Variants in KY observed in about 807,000 individuals in gnomAD.
KY encodes kyphoscoliosis peptidase.
A neutral mutation model predicts 76.1 loss-of-function variants in KY; 43 were observed. That is an observed-to-expected ratio of 0.57 (90% CI 0.44 to 0.73). The LOEUF is 0.73. KY is among the 30% of genes least tolerant of loss of function. The probability of loss-of-function intolerance (pLI) is 0.00; values close to 1 mark genes in which losing one functional copy is unlikely to be tolerated. For synonymous variants in KY, 277 were observed against 326.2 expected (o/e 0.85, Z 1.63); for missense variants, 722 against 828.9 (o/e 0.87, Z 1.58).
rs781436826 is a variant in KY, at chr3:134,604,258, T to C, written c.1307A>G (p.Asn436Ser). The part of the protein sequence containing the change: ...SSVLEYTLKC[N>S]YVDMGVQLPA... ...CAGCTGGACACCCATGTCCACATAA[T>C]TGCACTTGAGCGTGTACTCCAGCAC... The change falls in exon 11 of 11, where the codon AAT becomes AGT. Residue 436 changes from asparagine (N) to serine (S), a missense_variant. Physicochemically the swap from Asn to Ser is conservative, Grantham distance 46 (BLOSUM62 1). Transcript: ENST00000423778. 8.1e-6 allele frequency: 13 copies of C among 1,613,806 alleles called. No homozygotes were observed. Among genetic ancestry groups the C allele is most frequent in the Non-Finnish European group, 8.5e-6 (10 of 1,179,890 alleles).
chr3:134,609,439 G>T (rs1391579818), intron 9 of KY, among the ~76,000 whole-genome samples: 2 of 152,172 alleles, frequency 1.3e-5, no homozygotes, highest in Non-Finnish European at 2.9e-5. Context: ...CGAGCCCTGC[G>T]TGTAGGATGT....
At chr3:134,620,884 T>A (rs1962486595) in intron 6 of KY, 27 bp from the exon 7 acceptor site, 1 of 1,454,618 alleles carries the variant, frequency 6.9e-7, no homozygotes, top group African/African-American at 1.4e-5. Context: ...GTGTGCTGTA[T>A]TAGGGCCTCG....
At chr3:134,650,244 A>G (rs1966849817) in intron 1 of KY, among the ~76,000 whole-genome samples, 1 of 152,264 alleles carries the variant, frequency 6.6e-6, no homozygotes, top group Non-Finnish European at 1.5e-5. Flanking sequence ...AAGTGGAGAC[A>G]GCAGGTTTCA....
At chr3:134,622,557 G>A (rs1962817312) in intron 6 of KY, among the ~76,000 whole-genome samples, 1 of 152,140 alleles carries the variant, frequency 6.6e-6, no homozygotes, top group African/African-American at 2.4e-5. Flanking sequence ...GGCTGGGGGA[G>A]GAGAAATGGG....
At chr3:134,635,595 T>C (rs1469029766) in intron 3 of KY, among the ~76,000 whole-genome samples, 3 of 145,784 alleles carry the variant, frequency 2.1e-5, no homozygotes, top group African/African-American at 7.6e-5. Flanking sequence ...AAGAGGGAAA[T>C]AGAACTGCTG....
chr3:134,612,248 A>G (rs138930034), intron 8 of KY, among the ~76,000 whole-genome samples: 59 of 152,296 alleles, frequency 3.9e-4, no homozygotes, highest in African/African-American at 1.3e-3. Context: ...TTCTGGGAGC[A>G]CTTGAGGGCA....
chr3:134,641,639 A>T lies in KY; in HGVS notation c.262+1677T>A, dbSNP rs529801376. ...CTGGGCTCCAGAAGTGTAAGAGAAT[A>T]AATCTGCAGTATTTTAAGCCACCTC... On this transcript the variant is annotated intron_variant, in intron 3 of 10. Transcript: ENST00000423778. 2.6e-4 allele frequency among the ~76,000 whole-genome samples: 40 copies of T among 152,204 alleles called. 2 individuals are homozygous for T. Among genetic ancestry groups the T allele is most frequent in the South Asian group, 8.3e-4 (4 of 4,828 alleles).
intron 3 of KY, among the ~76,000 whole-genome samples, chr3:134,638,642 C>A (rs931961433): frequency 6.6e-6 from 1 of 152,238 alleles, no homozygotes; most frequent in African/African-American, 2.4e-5. Context: ...GCCAGCTCTC[C>A]TTGCTTTTCC....
At chr3:134,628,897 G>A (rs1963833887) in intron 4 of KY, among the ~76,000 whole-genome samples, 2 of 152,210 alleles carry the variant, frequency 1.3e-5, no homozygotes, top group African/African-American at 4.8e-5. Flanking sequence ...CCTGACTGCT[G>A]ATGACTACAG....
In KY at chr3:134,647,462, G is replaced by T. The variant is rs537460224; in HGVS notation, c.172C>A (p.Gln58Lys). 5 of 1,612,052 alleles carry T rather than the reference G, an allele frequency of 3.1e-6. No individual in the cohort carries two copies. The African/African-American group carries it at 6.7e-5, about 21-fold the overall frequency. Residue 58 changes from glutamine to lysine, a missense_variant, in exon 2 of 11, where the codon CAG (glutamine) becomes AAG (lysine). This residue lies in a region of KY where 170 missense variants were observed against 148.1 expected (regional missense o/e 1.15). Coordinates refer to ENST00000423778, the MANE Select transcript of KY (RefSeq NM_178554.6). ...TGAAAGTCATTTCCTTCTAATTTCT[G>T]CCATCTTCGGACTCCATTTCCAACA... ...QGVGNGVRRW[Q>K]KLEGNDFHEN...
At chr3:134,648,938 T>C (rs2108051257) in intron 1 of KY, among the ~76,000 whole-genome samples, 1 of 152,292 alleles carries the variant, frequency 6.6e-6, no homozygotes, top group Non-Finnish European at 1.5e-5. Flanking sequence ...GAGTTTGTTT[T>C]ATATCTTGCA....
At chr3:134,613,548 C>T (rs1577630976) in intron 8 of KY, among the ~76,000 whole-genome samples, 1 of 152,168 alleles carries the variant, frequency 6.6e-6, no homozygotes, top group East Asian at 1.9e-4. Flanking sequence ...CCAGGCTTAT[C>T]ATGGGCAGAG....
chr3:134,606,843 C>G (rs976313138), intron 10 of KY, among the ~76,000 whole-genome samples: 1 of 151,744 alleles, frequency 6.6e-6, no homozygotes, highest in Non-Finnish European at 1.5e-5. Context: ...CTCCCCTCCA[C>G]GGCACTCTCC....
intron 2 of KY, among the ~76,000 whole-genome samples, chr3:134,645,461 G>A (rs558955953): frequency 4.6e-5 from 7 of 152,296 alleles, no homozygotes; most frequent in African/African-American, 4.8e-5. Flanking sequence ...AGGGCTGGGC[G>A]GCCTGCTGGT....
chr3:134,609,699 C>T (rs549548952), intron 9 of KY, among the ~76,000 whole-genome samples: 3 of 152,276 alleles, frequency 2.0e-5, no homozygotes, highest in Admixed American at 6.5e-5. Context: ...GACCCTGCAC[C>T]GCCAATAGCA....
intron 3 of KY, among the ~76,000 whole-genome samples, chr3:134,642,521 A>G (rs1183130220): frequency 8.8e-6 from 1 of 113,460 alleles, no homozygotes; most frequent in South Asian, 4.5e-4. Context: ...TCGTGTGCTC[A>G]GATCCAGTCA....
Position 134,601,986 on chromosome 3 carries a change from T to TCC in KY, c.*1592_*1593insGG, listed in dbSNP as rs1958989679. Among the ~76,000 whole-genome samples the TCC allele has an allele frequency of 3.1e-4, 4 of 12,750 alleles. No homozygotes were observed. Among genetic ancestry groups the TCC allele is most frequent in the African/African-American group, 1.0e-3 (4 of 3,844 alleles). The allele number at this position is 12,750 out of a possible 152,430, so 8.4% of individuals were successfully genotyped here. A position where few individuals can be genotyped will look rare whatever the true frequency, so the allele number is the denominator to read the frequency against. ...CTGTAGCCCAAGCATCTGGTACTTC[T>TCC]GTGAGCATTTGTTGGATACAGGGAT... On this transcript the variant is annotated 3_prime_UTR_variant, in exon 11 of 11. Coordinates refer to ENST00000423778, the MANE Select transcript of KY (RefSeq NM_178554.6).
rs964579372 is a variant in KY, at chr3:134,601,830, C to T, written c.*1749G>A. The stretch of plus-strand genomic sequence containing the variant: ...GTGGGGACTTTTAGGGGAGGGATCC[C>T]GGGGGATAATGAACAGAAGTGTCTG... On this transcript the variant is annotated 3_prime_UTR_variant, in exon 11 of 11. Coordinates refer to ENST00000423778, the MANE Select transcript of KY (RefSeq NM_178554.6). Among the ~76,000 whole-genome samples the T allele has an allele frequency of 1.3e-5, 2 of 152,188 alleles. No homozygotes were observed. The highest frequency in any genetic ancestry group is 1.9e-4 in the East Asian group (1 of 5,194).
intron 6 of KY, among the ~76,000 whole-genome samples, chr3:134,622,118 T>C (rs1395441725): frequency 1.3e-5 from 2 of 152,246 alleles, no homozygotes; most frequent in Admixed American, 1.3e-4. Flanking sequence ...CTAGTGGGAA[T>C]GTAAAATTGT....
Sources: allele counts gnomAD v4.1 joint callset (sites outside exome capture counted in the v4.1 genomes callset), GRCh38; gene constraint gnomAD v4.1.1; regional missense constraint gnomAD v4.1.1; transcripts MANE v1.5; gene names NCBI Gene and HGNC (gene_info 2026-07-23, HGNC 2026-07-21).